The following ZNF626 variants were observed in gnomAD, a reference collection of about 807,000 sequenced individuals.
ZNF626 encodes zinc finger protein 626.
A neutral mutation model predicts 11.7 loss-of-function variants in ZNF626; 4 were observed. That is an observed-to-expected ratio of 0.34 (90% CI 0.17 to 0.78). The LOEUF is 0.78. Ranked by LOEUF, ZNF626 falls within the 30% of genes least tolerant of loss-of-function variation. The pLI, the probability that ZNF626 is intolerant of heterozygous loss-of-function variation, is 0.57. For synonymous variants in ZNF626, 179 were observed against 198.6 expected (o/e 0.90, Z 0.83); for missense variants, 588 against 587.1 (o/e 1.00, Z -0.01).
Position 20,661,539 on chromosome 19 carries a change from A to AGAG in ZNF626, c.-94_-93insCTC. ...CACAGCCTGGGCCTTTAGGAGAAGA[A>AGAG]CCAGACCTGGAGCTCTGACTGCAGC... On this transcript the variant is annotated 5_prime_UTR_variant, in exon 1 of 4. Transcript: ENST00000601440. The AGAG allele has an allele frequency of 6.8e-7, 1 of 1,479,528 alleles. No individual in the cohort carries two copies. Among genetic ancestry groups the AGAG allele is most frequent in the Non-Finnish European group, 9.3e-7 (1 of 1,075,558 alleles). 91.7% of individuals were successfully genotyped at this position (1,479,528 alleles called of 1,614,324 possible). A position where few individuals can be genotyped will look rare whatever the true frequency, so the allele number is the denominator to read the frequency against.
chr19:20,650,246 T>A (rs1599485623), intron 1 of ZNF626, among the ~76,000 whole-genome samples: 2 of 144,830 alleles, frequency 1.4e-5, no homozygotes, highest in Non-Finnish European at 1.5e-5. Context: ...TCAAATTTGT[T>A]AAAAAAAAAA....
intron 1 of ZNF626, among the ~76,000 whole-genome samples, chr19:20,654,807 T>C (rs1189527502): frequency 2.6e-5 from 4 of 152,004 alleles, no homozygotes; most frequent in African/African-American, 9.7e-5. Context: ...ATATTGTGGC[T>C]TTGTATTCAT....
intron 1 of ZNF626, among the ~76,000 whole-genome samples, chr19:20,648,125 G>A (rs1396951604): frequency 1.4e-5 from 2 of 147,658 alleles, no homozygotes; most frequent in East Asian, 2.1e-4. Context: ...GTGGTGAGCC[G>A]AGATCATGCC....
At chr19:20,653,570 A>T (rs781999431) in intron 1 of ZNF626, among the ~76,000 whole-genome samples, 28 of 151,108 alleles carry the variant, frequency 1.9e-4, no homozygotes, top group Non-Finnish European at 3.8e-4. Context: ...CAGAGGTTGC[A>T]GTGAGCCCAG....
In ZNF626 at chr19:20,623,851, C is replaced by T; in HGVS notation, c.*439G>A. The T allele has an allele frequency of 3.2e-6, 1 of 309,626 alleles. No homozygotes were observed. The highest frequency in any genetic ancestry group is 3.2e-5 in the South Asian group (1 of 31,148). 19.2% of individuals were successfully genotyped at this position (309,626 alleles called of 1,614,324 possible). ...TTGTTATATGCTTTGCCACATTCTTCACACTTGTAGGGTTTCTTTCCAGTA... is the reference window on the plus strand; with the variant it reads ...TTGTTATATGCTTTGCCACATTCTTTACACTTGTAGGGTTTCTTTCCAGTA... On this transcript the variant is annotated 3_prime_UTR_variant, in exon 4 of 4. Coordinates refer to ENST00000601440, the MANE Select transcript of ZNF626 (RefSeq NM_001076675.3).
chr19:20,650,882 A>T (rs1970138815), intron 1 of ZNF626, among the ~76,000 whole-genome samples: 2 of 152,196 alleles, frequency 1.3e-5, no homozygotes, highest in Non-Finnish European at 2.9e-5. Flanking sequence ...ATGTTCACTT[A>T]ACAGGATGAA....
At chr19:20,661,149 C>T (rs183679095) in intron 1 of ZNF626, among the ~76,000 whole-genome samples, 1 of 151,322 alleles carries the variant, frequency 6.6e-6, no homozygotes, top group African/African-American at 2.4e-5. Context: ...TGCCCACCCT[C>T]CCCTGGTCCC....
intron 3 of ZNF626, among the ~76,000 whole-genome samples, chr19:20,638,717 A>G (rs1378829526): frequency 6.6e-6 from 1 of 152,062 alleles, no homozygotes; most frequent in Non-Finnish European, 1.5e-5. Flanking sequence ...GCAGAAATCT[A>G]TAACTATAAT....
rs1555768836 is a variant in ZNF626, at chr19:20,622,417, A to C, written c.*1873T>G. The C allele has an allele frequency of 6.6e-6, 1 of 152,112 alleles. No homozygotes were observed. Among genetic ancestry groups the C allele is most frequent in the Non-Finnish European group, 1.5e-5 (1 of 68,010 alleles). 9.4% of individuals were successfully genotyped at this position (152,112 alleles called of 1,614,324 possible). ...AACTACAATGAGCCTCTCCACTTAT[A>C]TTTTCGTCATGCATCTTACATTTTA... On this transcript the variant is annotated 3_prime_UTR_variant, in exon 4 of 4. Coordinates refer to ENST00000601440, the MANE Select transcript of ZNF626 (RefSeq NM_001076675.3).
At position 20,621,248 on chromosome 19, in the gene ZNF626, C is replaced by T. The variant is rs1296324997; in HGVS notation, c.*3042G>A. On this transcript the variant is annotated 3_prime_UTR_variant, in exon 4 of 4. Transcript: ENST00000601440. ...GGTTCAAGCCATTCTCCTGCCTCAG[C>T]TTCCCGAGTAGCTAGGAATACGGGT... 2.6e-5 allele frequency: 4 copies of T among 152,242 alleles called. No individual in the cohort carries two copies. The highest frequency in any genetic ancestry group is 1.5e-5 in the Non-Finnish European group (1 of 68,102). The allele number at this position is 152,242 out of a possible 1,614,324, so 9.4% of individuals were successfully genotyped here.
intron 3 of ZNF626, chr19:20,645,390 A>C: frequency 6.2e-7 from 1 of 1,604,222 alleles, no homozygotes; most frequent in Non-Finnish European, 8.5e-7. Context: ...CACACTGTGC[A>C]GTCTCTTATA....
chr19:20,629,092 T>C (rs1166552068), intron 3 of ZNF626, among the ~76,000 whole-genome samples: 6 of 152,216 alleles, frequency 3.9e-5, no homozygotes, highest in South Asian at 2.1e-4. Flanking sequence ...CAGATAGTTG[T>C]AGGTAAGCGG....
chr19:20,628,292 C>T (rs1307216521), intron 3 of ZNF626, among the ~76,000 whole-genome samples: 4 of 152,132 alleles, frequency 2.6e-5, no homozygotes, highest in Non-Finnish European at 2.9e-5. Flanking sequence ...TGGGTATATA[C>T]CCAGTAATGG....
In ZNF626 at chr19:20,623,418, G is replaced by A; in HGVS notation, c.*872C>T. ...AGTATAAATTTTTTATGTATAGAAA[G>A]GATGGAAGTGTTGAAAAAAGCACTG... On this transcript the variant is annotated 3_prime_UTR_variant, in exon 4 of 4. Transcript: ENST00000601440. The A allele has an allele frequency of 6.6e-6, 1 of 152,210 alleles. No homozygotes were observed. The highest frequency in any genetic ancestry group is 2.1e-4 in the South Asian group (1 of 4,832). The allele number at this position is 152,210 out of a possible 1,614,324, so 9.4% of individuals were successfully genotyped here.
intron 3 of ZNF626, among the ~76,000 whole-genome samples, chr19:20,628,633 G>C (rs1969867377): frequency 6.6e-6 from 1 of 152,078 alleles, no homozygotes; most frequent in South Asian, 2.1e-4. Context: ...GGGGCTGTTT[G>C]TTTTTTTCTT....
chr19:20,625,670 C>T lies in ZNF626; in HGVS notation c.227-20G>A, dbSNP rs10421734. The T allele has an allele frequency of 2.0e-6, 3 of 1,514,056 alleles. No homozygotes were observed. The African/African-American group carries it at 4.2e-5, about 21-fold the overall frequency. The allele number at this position is 1,514,056 out of a possible 1,614,324, so 93.8% of individuals were successfully genotyped here. ...ACATTACTGAAAGAAACAATAAAAA[C>T]ACATTACTTCAATTGGTAGACTCAG... On this transcript the variant is annotated intron_variant, in intron 3 of 3. Transcript: ENST00000601440.
At chr19:20,648,604 T>C (rs1970111571) in intron 1 of ZNF626, among the ~76,000 whole-genome samples, 1 of 152,128 alleles carries the variant, frequency 6.6e-6, no homozygotes, top group African/African-American at 2.4e-5. Flanking sequence ...CTTGATCTCC[T>C]GCATGATCCA....
intron 3 of ZNF626, among the ~76,000 whole-genome samples, chr19:20,630,174 G>C (rs1444349181): frequency 1.3e-5 from 2 of 152,008 alleles, no homozygotes; most frequent in African/African-American, 4.8e-5. Flanking sequence ...TGCTGGATTC[G>C]GTTTGCCAGT....
At chr19:20,645,533 C>A (rs1970066817) in intron 3 of ZNF626, 151 bp downstream of exon 3, 6 of 1,558,590 alleles carry the variant, frequency 3.8e-6, no homozygotes, top group East Asian at 2.3e-5. Context: ...AAAGAAAAAA[C>A]CAAACAAACA....
Sources: allele counts gnomAD v4.1 joint callset (sites outside exome capture counted in the v4.1 genomes callset), GRCh38; gene constraint gnomAD v4.1.1; transcripts MANE v1.5; gene names NCBI Gene and HGNC (gene_info 2026-07-23, HGNC 2026-07-21).